Variants in HIBCH observed in about 807,000 individuals in gnomAD.
The protein encoded by HIBCH is 3-hydroxyisobutyryl-CoA hydrolase.
A neutral mutation model predicts 58.2 loss-of-function variants in HIBCH; 50 were observed. The ratio of observed to expected loss-of-function variants is 0.86; its 90% confidence interval spans 0.68 to 1.09. The LOEUF (loss-of-function observed/expected upper bound fraction) is 1.09. Among genes scored for constraint, HIBCH ranks in the 50% least tolerant of loss-of-function variants. The pLI is 0.00. For synonymous variants in HIBCH, 151 were observed against 146.9 expected (o/e 1.03, Z -0.20); for missense variants, 450 against 449.7 (o/e 1.00, Z -0.01).
intron 6 of HIBCH, among the ~76,000 whole-genome samples, chr2:190,266,210 C>G (rs946514407): frequency 6.6e-6 from 1 of 152,036 alleles, no homozygotes; most frequent in African/African-American, 2.4e-5. Context: ...ATGAAATGAA[C>G]GTGAATTCTG....
chr2:190,254,897 T>C lies in HIBCH; in HGVS notation c.518-2590A>G, dbSNP rs570248172. On this transcript the variant is annotated intron_variant, in intron 7 of 13. Transcript: ENST00000359678. The surrounding 1 kb of genome is among the most constrained non-coding windows in gnomAD (Gnocchi z 5.0). ...GACAGCCACTAGCCATATGTAGCTA[T>C]TAAACACCTGAAATGTAGCTGGTGT... Among the ~76,000 whole-genome samples the C allele has an allele frequency of 3.9e-5, 6 of 152,360 alleles. No homozygotes were observed. Among genetic ancestry groups the C allele is most frequent in the South Asian group, 2.1e-4 (1 of 4,828 alleles).
At chr2:190,290,637 T>G in intron 4 of HIBCH, 152 bp from the exon 5 acceptor site, 1 of 642,860 alleles carries the variant, frequency 1.6e-6, no homozygotes, top group East Asian at 2.7e-5. Flanking sequence ...CCACAGACAT[T>G]ATATTATAGT....
intron 4 of HIBCH, among the ~76,000 whole-genome samples, chr2:190,290,701 T>C (rs1687937271): frequency 6.6e-6 from 1 of 152,182 alleles, no homozygotes; most frequent in Non-Finnish European, 1.5e-5. Flanking sequence ...CTATTCTTGT[T>C]TTCCATGCTT....
intron 11 of HIBCH, among the ~76,000 whole-genome samples, chr2:190,226,809 T>G (rs1048050435): frequency 2.0e-5 from 3 of 152,246 alleles, no homozygotes; most frequent in Admixed American, 2.0e-4. Flanking sequence ...GGCCAAATCA[T>G]GAGTGAACTC....
chr2:190,212,225 T>C (rs1690529770), intron 12 of HIBCH, among the ~76,000 whole-genome samples: 3 of 152,356 alleles, frequency 2.0e-5, no homozygotes, highest in Middle Eastern at 6.8e-3. Flanking sequence ...CTTTAAGACA[T>C]GGCTAACAGA....
At chr2:190,248,861 A>G (rs1425874052) in intron 9 of HIBCH, among the ~76,000 whole-genome samples, 2 of 132,320 alleles carry the variant, frequency 1.5e-5, no homozygotes, top group East Asian at 2.5e-4. Flanking sequence ...ACTCTGCTTC[A>G]AAACAAAAAA....
chr2:190,202,494 A>T (rs577889459), downstream of HIBCH: 2 of 167,226 alleles, frequency 1.2e-5, no homozygotes, highest in African/African-American at 4.8e-5. Context: ...ATTACATGTG[A>T]TAGTTATCAT....
intron 1 of HIBCH, among the ~76,000 whole-genome samples, chr2:190,314,349 GTATATATACGTATA>G (rs1559068549): frequency 1.8e-4 from 5 of 27,776 alleles, no homozygotes; most frequent in African/African-American, 3.0e-4. Flanking sequence ...ATATATATGT[GTATATATACGTATA>G]TATATACGTA....
chr2:190,314,385 A>ATG (rs1688658223), intron 1 of HIBCH, among the ~76,000 whole-genome samples: 1 of 90,882 alleles, frequency 1.1e-5, no homozygotes, highest in Non-Finnish European at 2.4e-5. Context: ...ATATGTGTAT[A>ATG]TATATGTATA....
At chr2:190,276,583 A>C (rs1282981342) in intron 6 of HIBCH, among the ~76,000 whole-genome samples, 2 of 152,196 alleles carry the variant, frequency 1.3e-5, no homozygotes, top group African/African-American at 4.8e-5. Flanking sequence ...TGGCTGTTTA[A>C]AAGAATGTAG....
At chr2:190,226,663 G>A (rs1450320481) in intron 11 of HIBCH, among the ~76,000 whole-genome samples, 3 of 145,010 alleles carry the variant, frequency 2.1e-5, no homozygotes, top group Non-Finnish European at 3.0e-5. Flanking sequence ...TGACATGATT[G>A]TATATTTAGA....
chr2:190,290,033 C>T (rs762547319), intron 5 of HIBCH, among the ~76,000 whole-genome samples: 7 of 152,142 alleles, frequency 4.6e-5, no homozygotes, highest in African/African-American at 7.2e-5. Flanking sequence ...CACTTGCCAC[C>T]GCACCCAGCT....
chr2:190,243,912 G>C lies in HIBCH; in HGVS notation c.891+975C>G, dbSNP rs1686525663. Among the ~76,000 whole-genome samples the C allele has an allele frequency of 6.6e-6, 1 of 152,210 alleles. No homozygotes were observed. The highest frequency in any genetic ancestry group is 1.5e-5 in the Non-Finnish European group (1 of 68,034). On this transcript the variant is annotated intron_variant, in intron 11 of 13. Coordinates refer to ENST00000359678, the MANE Select transcript of HIBCH (RefSeq NM_014362.4). The surrounding 1 kb of genome is among the most constrained non-coding windows in gnomAD (Gnocchi z 4.1). ...TTGAGCCTGGGAGGCTGAGGCTGCAGTGAGTTGTGATTGCACCACTGTCCT... is the reference window on the plus strand; with the variant it reads ...TTGAGCCTGGGAGGCTGAGGCTGCACTGAGTTGTGATTGCACCACTGTCCT...
At chr2:190,253,025 C>A (rs1379320363) in intron 7 of HIBCH, among the ~76,000 whole-genome samples, 1 of 152,022 alleles carries the variant, frequency 6.6e-6, no homozygotes, top group East Asian at 1.9e-4. Flanking sequence ...CCCGTCTCTA[C>A]TAAAATTCCA....
chr2:190,249,343 A>G (rs1321285568), intron 9 of HIBCH, among the ~76,000 whole-genome samples: 1 of 152,232 alleles, frequency 6.6e-6, no homozygotes, highest in Non-Finnish European at 1.5e-5. Context: ...TAGTGTTAAC[A>G]TTGAACACCG....
In HIBCH at chr2:190,294,591, T is replaced by G. The variant is rs1176009544; in HGVS notation, c.259A>C (p.Lys87Gln). 6.2e-7 allele frequency: 1 copy of G among 1,612,716 alleles called. No homozygotes were observed. Among genetic ancestry groups the G allele is most frequent in the Non-Finnish European group, 8.5e-7 (1 of 1,179,696 alleles). Reference protein sequence around the residue: ...QDPETFLIIIKGAGGKAFCAG... With the variant: ...QDPETFLIIIQGAGGKAFCAG... ...CAGAAAGCCTTTCCTCCTGCTCCCT[T>G]TATAATGATCAGGAAAGTTTCAGGA... is the stretch of plus-strand genomic sequence containing the variant. Residue 87 changes from lysine (K) to glutamine (Q), a missense_variant, in exon 4 of 14, where the codon AAG becomes CAG. By Grantham distance (53) the Lys-to-Gln change is moderately conservative. Transcript: ENST00000359678.
chr2:190,306,862 C>G lies in HIBCH; in HGVS notation c.78+3892G>C, dbSNP rs1287294144. Among the ~76,000 whole-genome samples the G allele has an allele frequency of 6.6e-6, 1 of 152,020 alleles. No individual in the cohort carries two copies. Among genetic ancestry groups the G allele is most frequent in the Non-Finnish European group, 1.5e-5 (1 of 67,986 alleles). On this transcript the variant is annotated intron_variant, in intron 2 of 13. Coordinates refer to ENST00000359678, the MANE Select transcript of HIBCH (RefSeq NM_014362.4). This position sits in a 1 kb window ranked among gnomAD's most constrained non-coding sequence, Gnocchi z 4.6. Reference sequence around the variant, plus strand: ...AGATTAACGCCCTTATAAAAGAAACCCTGGAGAGCTTCTTCACCCCTTCTA... The same window carrying G: ...AGATTAACGCCCTTATAAAAGAAACGCTGGAGAGCTTCTTCACCCCTTCTA...
intron 2 of HIBCH, among the ~76,000 whole-genome samples, chr2:190,297,492 G>C (rs1460407422): frequency 1.3e-5 from 2 of 152,198 alleles, no homozygotes; most frequent in Admixed American, 1.3e-4. Flanking sequence ...GTGGAACAAA[G>C]GCTGGCTGAG....
At chr2:190,313,631 G>C (rs1265237989) in intron 1 of HIBCH, among the ~76,000 whole-genome samples, 2 of 109,854 alleles carry the variant, frequency 1.8e-5, no homozygotes, top group African/African-American at 7.4e-5. Flanking sequence ...GGTGACAAGA[G>C]ACTCTGTCTC....
Sources: gnomAD v4.1 joint callset for allele counts (sites outside exome capture counted in the v4.1 genomes callset) on GRCh38, gnomAD v4.1.1 for gene constraint, Gnocchi (gnomAD v3.1) non-coding constraint, MANE v1.5 for transcripts, NCBI Gene and HGNC (gene_info 2026-07-23, HGNC 2026-07-21) for gene names.